Variants in TMEM178B observed in about 807,000 individuals in gnomAD.
The protein encoded by TMEM178B is transmembrane protein 178B.
Under a neutral mutation model 31.0 loss-of-function variants are expected in TMEM178B, and 5 were observed. The observed-to-expected ratio is 0.16, with a 90% CI of 0.08 to 0.34. The LOEUF (loss-of-function observed/expected upper bound fraction) is 0.34. Among genes scored for constraint, TMEM178B ranks in the 10% least tolerant of loss-of-function variants. The pLI is 1.00. For missense variants in TMEM178B, 275 were observed against 400.3 expected (o/e 0.69, Z 2.67); for synonymous variants, 164 against 164.0 (o/e 1.00, Z 0.00).
downstream of TMEM178B, among the ~76,000 whole-genome samples, chr7:141,483,918 T>C (rs1802517968): frequency 6.6e-6 from 1 of 152,090 alleles, no homozygotes; most frequent in Admixed American, 6.5e-5. Context: ...GTATTCTTAG[T>C]AGAAACAGGG....
intron 1 of TMEM178B, among the ~76,000 whole-genome samples, chr7:141,121,669 C>T (rs899084590): frequency 5.9e-5 from 9 of 152,052 alleles, no homozygotes; most frequent in South Asian, 2.1e-4. Context: ...GAAGAGAGTT[C>T]GAAATTAATT....
chr7:141,091,529 T>C (rs1237821942), intron 1 of TMEM178B, among the ~76,000 whole-genome samples: 1 of 152,146 alleles, frequency 6.6e-6, no homozygotes, highest in Non-Finnish European at 1.5e-5. Context: ...AGTGGTGTGG[T>C]GGCTGGCTGG....
rs377688007 is a variant in TMEM178B at position 141,452,658 on chromosome 7, C to T, written c.634+14913C>T. ...ACTTAGTTGGCAACCTCTGAGCCTGCGTTTTCTCATCTGTAAAATTGACAT... is the reference window on the plus strand; with the variant it reads ...ACTTAGTTGGCAACCTCTGAGCCTGTGTTTTCTCATCTGTAAAATTGACAT... On this transcript the variant is annotated intron_variant, in intron 3 of 3. Coordinates refer to ENST00000565468, the MANE Select transcript of TMEM178B (RefSeq NM_001195278.2). Among the ~76,000 whole-genome samples the T allele has an allele frequency of 2.3e-4, 35 of 152,210 alleles. No homozygotes were observed. The South Asian group carries it at 4.1e-3, about 18-fold the overall frequency.
intron 2 of TMEM178B, among the ~76,000 whole-genome samples, chr7:141,388,303 C>T (rs573283274): frequency 6.6e-6 from 1 of 152,066 alleles, no homozygotes; most frequent in African/African-American, 2.4e-5. Context: ...AGTCAGGCTT[C>T]GAATGGAGAC....
intron 1 of TMEM178B, among the ~76,000 whole-genome samples, chr7:141,209,504 C>T (rs1797016973): frequency 6.6e-6 from 1 of 152,218 alleles, no homozygotes; most frequent in Non-Finnish European, 1.5e-5. Flanking sequence ...AAGAACACCT[C>T]GTATTATTCA....
At chr7:141,115,547 AT>A (rs1327201051) in intron 1 of TMEM178B, among the ~76,000 whole-genome samples, 1 of 152,226 alleles carries the variant, frequency 6.6e-6, no homozygotes, top group Admixed American at 6.5e-5. Flanking sequence ...AAAAGTAGGA[AT>A]TGATTTGTGG....
intron 2 of TMEM178B, among the ~76,000 whole-genome samples, chr7:141,403,100 G>A (rs1800815426): frequency 6.6e-6 from 1 of 152,216 alleles, no homozygotes; most frequent in Non-Finnish European, 1.5e-5. Context: ...AGGCCCCAGA[G>A]ATAAGCCTAC....
intron 1 of TMEM178B, among the ~76,000 whole-genome samples, chr7:141,127,557 T>C (rs1409820805): frequency 2.6e-5 from 4 of 152,156 alleles, no homozygotes; most frequent in Admixed American, 2.6e-4. Context: ...CCAAAGATAC[T>C]GGAGGATTAC....
At chr7:141,228,947 T>C (rs1259962658) in intron 2 of TMEM178B, among the ~76,000 whole-genome samples, 1 of 151,320 alleles carries the variant, frequency 6.6e-6, no homozygotes, top group Admixed American at 6.6e-5. Context: ...ATAATTCATC[T>C]CCTTCAGTGA....
chr7:141,269,201 A>C (rs1798142081), intron 2 of TMEM178B, among the ~76,000 whole-genome samples: 1 of 150,142 alleles, frequency 6.7e-6, no homozygotes, highest in Non-Finnish European at 1.5e-5. Context: ...AGCAATTCTC[A>C]TGTCTCAGCC....
chr7:141,398,885 C>T (rs1800704451), intron 2 of TMEM178B, among the ~76,000 whole-genome samples: 1 of 152,124 alleles, frequency 6.6e-6, no homozygotes, highest in South Asian at 2.1e-4. Flanking sequence ...CACTATTTGT[C>T]ATTATTAAAG....
At chr7:141,355,669 A>G (rs767082266) in intron 2 of TMEM178B, among the ~76,000 whole-genome samples, 1 of 152,360 alleles carries the variant, frequency 6.6e-6, no homozygotes, top group South Asian at 2.1e-4. Flanking sequence ...TTAGTTTGAC[A>G]TAGTCCCATT....
chr7:141,177,581 G>A (rs1226407504), intron 1 of TMEM178B, among the ~76,000 whole-genome samples: 1 of 152,166 alleles, frequency 6.6e-6, no homozygotes, highest in African/African-American at 2.4e-5. Context: ...GGGGGTCTAA[G>A]TTTCTTTGTA....
chr7:141,168,590 G>C (rs1194255068), intron 1 of TMEM178B, among the ~76,000 whole-genome samples: 1 of 152,108 alleles, frequency 6.6e-6, no homozygotes, highest in Non-Finnish European at 1.5e-5. Context: ...TGGCCAACAT[G>C]GTGAAATCCC....
At chr7:141,431,446 A>T (rs895538322) in intron 2 of TMEM178B, among the ~76,000 whole-genome samples, 1 of 151,842 alleles carries the variant, frequency 6.6e-6, no homozygotes, top group Non-Finnish European at 1.5e-5. Flanking sequence ...TTCCTCCTCC[A>T]CCTTCCCTCA....
Position 141,144,220 on chromosome 7 carries a change from C to G in TMEM178B, c.383-68371C>G, listed in dbSNP as rs144814914. 3.1e-3 allele frequency among the ~76,000 whole-genome samples: 474 copies of G among 152,236 alleles called. 5 individuals are homozygous for G. Among genetic ancestry groups the G allele is most frequent in the African/African-American group, 0.011 (442 of 41,532 alleles). On this transcript the variant is annotated intron_variant, in intron 1 of 3. Transcript: ENST00000565468. ...GGATGCCTTTTATTTCTTTCTCTTT[C>G]CTGATGGCTCTGGTTAGGGCTTCCA...
At chr7:141,173,208 T>G (rs1000275795) in intron 1 of TMEM178B, 4 of 152,076 alleles carry the variant, frequency 2.6e-5, no homozygotes, top group South Asian at 2.1e-4. Context: ...TGAAGCTGAG[T>G]GAGAGTTTGC....
chr7:141,385,934 G>A (rs1800423681), intron 2 of TMEM178B, among the ~76,000 whole-genome samples: 1 of 152,246 alleles, frequency 6.6e-6, no homozygotes, highest in East Asian at 1.9e-4. Context: ...GTGTTGCAGA[G>A]AGATTGGACT....
chr7:141,407,539 A>G (rs1213766128), intron 2 of TMEM178B, among the ~76,000 whole-genome samples: 1 of 152,164 alleles, frequency 6.6e-6, no homozygotes, highest in Admixed American at 6.5e-5. Flanking sequence ...GCTTACATAT[A>G]TTCGTCTACG....
Sources: allele counts gnomAD v4.1 joint callset (sites outside exome capture counted in the v4.1 genomes callset), GRCh38; gene constraint gnomAD v4.1.1; transcripts MANE v1.5; gene names NCBI Gene and HGNC (gene_info 2026-07-23, HGNC 2026-07-21).